TRPM2: variants seen among roughly 807,000 people sequenced by gnomAD.
The protein encoded by TRPM2 is estrogen-responsive element-associated gene 1 protein.
A neutral mutation model predicts 174.0 loss-of-function variants in TRPM2; 161 were observed. The observed-to-expected ratio is 0.93, with a 90% CI of 0.81 to 1.05. The LOEUF is 1.05. TRPM2 is among the 50% of genes least tolerant of loss of function. The probability of loss-of-function intolerance (pLI) is 0.00; values close to 1 mark genes in which losing one functional copy is unlikely to be tolerated. For synonymous variants in TRPM2, 954 were observed against 861.3 expected (o/e 1.11, Z -1.88); for missense variants, 2,057 against 2,038.0 (o/e 1.01, Z -0.18).
At position 44,441,980 on chromosome 21, in the gene TRPM2, A is replaced by G. The variant is rs548068122; in HGVS notation, c.*163A>G. ...CACGGCTGCCGCAAGTCTGCTGCAG[A>G]TGACCTCATGAACTGGAAGGGGTCA... On this transcript the variant is annotated 3_prime_UTR_variant, in exon 32 of 32. Coordinates refer to ENST00000397928, the MANE Select transcript of TRPM2 (RefSeq NM_003307.4). The G allele has an allele frequency of 3.2e-5, 34 of 1,064,070 alleles. No homozygotes were observed. The East Asian group carries it at 8.5e-4, about 27-fold the overall frequency. The allele number at this position is 1,064,070 out of a possible 1,614,324, so 65.9% of individuals were successfully genotyped here. A position where few individuals can be genotyped will look rare whatever the true frequency, so the allele number is the denominator to read the frequency against.
At chr21:44,356,377 G>C (rs143168139) in intron 2 of TRPM2, among the ~76,000 whole-genome samples, 1,610 of 151,454 alleles carry the variant, frequency 0.011, 23 homozygotes, top group Admixed American at 0.019. Flanking sequence ...AAGGGGTCCC[G>C]ATCCAGACCC....
rs766432926 is a variant in TRPM2, at chr21:44,397,750, C to T, written c.1936C>T (p.Gln646Ter). Residue 646 changes from glutamine to a stop codon, truncating the protein, a stop_gained, in exon 13 of 32, where the codon CAG becomes TAG. Transcript: ENST00000397928. LOFTEE classifies it high-confidence loss of function. ...ELAGIIWAQSQDCIAAALACS... is the reference protein window; with the variant it reads ...ELAGIIWAQS ...CGGTGGCTCCTCTGGTCCCCAGAGC[C>T]AGGACTGCATCGCAGCGGCCTTGGC... 8 of 1,581,270 alleles carry T rather than the reference C, an allele frequency of 5.1e-6. 1 individual carries two copies. The highest frequency in any genetic ancestry group is 4.5e-5 in the East Asian group (2 of 44,146).
At chr21:44,356,588 A>G (rs1007001729) in intron 2 of TRPM2, among the ~76,000 whole-genome samples, 1 of 149,998 alleles carries the variant, frequency 6.7e-6, no homozygotes, top group Admixed American at 6.6e-5. Context: ...CTGGAGTGCA[A>G]TGGCATGATC....
intron 19 of TRPM2, among the ~76,000 whole-genome samples, chr21:44,410,108 TGAGC>T (rs1229174693): frequency 6.8e-6 from 1 of 146,032 alleles, no homozygotes; most frequent in African/African-American, 2.5e-5. Flanking sequence ...ACTGTCTTGG[TGAGC>T]GTAGCCTTGT....
intron 19 of TRPM2, among the ~76,000 whole-genome samples, chr21:44,409,895 G>T (rs77338514): frequency 7.2e-5 from 10 of 138,986 alleles, no homozygotes; most frequent in African/African-American, 2.6e-4. Context: ...AGTTTTGACC[G>T]CACTGTCTTG....
At chr21:44,380,885 G>A (rs1293148089) in intron 8 of TRPM2, among the ~76,000 whole-genome samples, 1 of 152,146 alleles carries the variant, frequency 6.6e-6, no homozygotes, top group East Asian at 1.9e-4. Context: ...GCGTCCATAT[G>A]GGCTCAGACG....
chr21:44,429,985 G>A (rs1390993651), intron 27 of TRPM2, among the ~76,000 whole-genome samples: 2 of 152,156 alleles, frequency 1.3e-5, no homozygotes, highest in Non-Finnish European at 2.9e-5. Context: ...GTCAGGGGCT[G>A]AATGCTACTA....
intron 24 of TRPM2, 141 bp from the exon 25 acceptor site, chr21:44,425,529 G>T: frequency 9.4e-7 from 1 of 1,064,644 alleles, no homozygotes; most frequent in South Asian, 2.0e-5. Flanking sequence ...GCTGGTGTTC[G>T]ACCTGCATGG....
At chr21:44,381,834 G>C (rs2146211276) in intron 8 of TRPM2, among the ~76,000 whole-genome samples, 1 of 152,094 alleles carries the variant, frequency 6.6e-6, no homozygotes, top group Non-Finnish European at 1.5e-5. Context: ...TTGAAGCCAG[G>C]AGGTGGAGGT....
chr21:44,381,524 G>A (rs2048878887), intron 8 of TRPM2, among the ~76,000 whole-genome samples: 1 of 150,324 alleles, frequency 6.7e-6, no homozygotes, highest in Non-Finnish European at 1.5e-5. Flanking sequence ...CCATGTGGAT[G>A]GATGGATGGA....
At position 44,406,626 on chromosome 21, in the gene TRPM2, G is replaced by T; in HGVS notation, c.2823G>T (p.Leu941=). 6.2e-7 allele frequency: 1 copy of T among 1,610,842 alleles called. No individual in the cohort carries two copies. Among genetic ancestry groups the T allele is most frequent in the Non-Finnish European group, 8.5e-7 (1 of 1,179,414 alleles). ...MKDVFFFLFL[L]AVWVVSFGVA... The stretch of plus-strand genomic sequence containing the variant: ...ACGTCTTCTTCTTCCTCTTCCTGCT[G>T]GCTGTGTGGGTGGTGTCCTTCGGGG... Residue 941 remains leucine (L), a synonymous_variant, in exon 19 of 32, where the codon CTG becomes CTT. Transcript: ENST00000397928.
intron 8 of TRPM2, among the ~76,000 whole-genome samples, chr21:44,382,257 A>G (rs1200111301): frequency 6.6e-6 from 1 of 152,214 alleles, no homozygotes; most frequent in African/African-American, 2.4e-5. Context: ...ATGTAGATAG[A>G]TGGATAGATG....
intron 27 of TRPM2, among the ~76,000 whole-genome samples, chr21:44,431,455 G>GT (rs932570894): frequency 6.6e-6 from 1 of 151,974 alleles, no homozygotes; most frequent in Non-Finnish European, 1.5e-5. Context: ...TCATTTGATT[G>GT]TTTAGTGATG....
In TRPM2 at chr21:44,353,693, G is replaced by C; in HGVS notation, c.-8G>C. On this transcript the variant is annotated 5_prime_UTR_variant, in exon 1 of 32. Transcript: ENST00000397928. ...AGGCCTGGTTGCAGCTGGCGTGGGGGTCTCAGAATGGAGCCCTCAGCCCTG... is the reference window on the plus strand; with the variant it reads ...AGGCCTGGTTGCAGCTGGCGTGGGGCTCTCAGAATGGAGCCCTCAGCCCTG... 6.7e-7 allele frequency: 1 copy of C among 1,488,752 alleles called. No individual in the cohort carries two copies. The highest frequency in any genetic ancestry group is 8.9e-7 in the Non-Finnish European group (1 of 1,122,434). The allele number at this position is 1,488,752 out of a possible 1,614,324, so 92.2% of individuals were successfully genotyped here. A position where few individuals can be genotyped will look rare whatever the true frequency, so the allele number is the denominator to read the frequency against.
chr21:44,387,767 C>T (rs542321240), intron 9 of TRPM2, among the ~76,000 whole-genome samples: 2 of 151,882 alleles, frequency 1.3e-5, no homozygotes, highest in Non-Finnish European at 1.5e-5. Flanking sequence ...AGAAGTCGTA[C>T]AAATGGCCAA....
chr21:44,395,347 A>G, intron 11 of TRPM2, 67 bp from the exon 12 acceptor site: 4 of 1,574,566 alleles, frequency 2.5e-6, no homozygotes, highest in South Asian at 1.2e-5. Flanking sequence ...TGCACCTCTG[A>G]CAGGCTCCGC....
At chr21:44,429,278 C>CTTTTTTTTTTT (rs35708355) in intron 27 of TRPM2, among the ~76,000 whole-genome samples, 9 of 44,196 alleles carry the variant, frequency 2.0e-4, no homozygotes, top group Non-Finnish European at 2.9e-4. Context: ...TTTTCTTTTT[C>CTTTTTTTTTTT]TTTTTTTTTT....
chr21:44,403,680 CACAT>C (rs774757045), intron 16 of TRPM2, among the ~76,000 whole-genome samples: 42 of 150,604 alleles, frequency 2.8e-4, no homozygotes, highest in Non-Finnish European at 3.2e-4. Flanking sequence ...CACATGCATA[CACAT>C]ACATGCACAC....
intron 2 of TRPM2, among the ~76,000 whole-genome samples, chr21:44,360,724 G>C (rs1486325547): frequency 6.6e-6 from 1 of 151,832 alleles, no homozygotes; most frequent in East Asian, 1.9e-4. Context: ...GCACTACCAC[G>C]CCCAGCTAAT....
Sources: allele counts gnomAD v4.1 joint callset (sites outside exome capture counted in the v4.1 genomes callset), GRCh38; gene constraint gnomAD v4.1.1; transcripts MANE v1.5; gene names NCBI Gene and HGNC (gene_info 2026-07-23, HGNC 2026-07-21).